Variants in GFRA2 observed in about 807,000 individuals in gnomAD.
GFRA2 encodes the protein GDNF family receptor alpha-2.
GFRA2 carries 17 observed loss-of-function variants against 48.3 expected under a neutral mutation model. The ratio of observed to expected loss-of-function variants is 0.35; its 90% CI spans 0.24 to 0.53. The LOEUF is 0.53. Ranked by LOEUF, GFRA2 falls within the 20% of genes least tolerant of loss-of-function variation. The pLI, the probability that GFRA2 is intolerant of heterozygous loss-of-function variation, is 0.93. For missense variants in GFRA2, 660 were observed against 637.3 expected, an observed-to-expected ratio of 1.04 and a Z score of -0.38; for synonymous variants, 305 against 257.2, an observed-to-expected ratio of 1.19 and a Z score of -1.78.
chr8:21,732,210 C>T (rs1399497156), intron 4 of GFRA2, among the ~76,000 whole-genome samples: 1 of 152,252 alleles, frequency 6.6e-6, no homozygotes, highest in Non-Finnish European at 1.5e-5. Flanking sequence ...TTCCCTTCGC[C>T]TTCTTGTGTC....
chr8:21,800,431 G>A (rs1047959027), intron 2 of GFRA2, among the ~76,000 whole-genome samples: 22 of 152,248 alleles, frequency 1.4e-4, no homozygotes, highest in Admixed American at 2.6e-4. Context: ...GATATTGTAA[G>A]GCTTCTGGAT....
chr8:21,706,374 C>T, intron 4 of GFRA2: 2 of 487,250 alleles, frequency 4.1e-6, no homozygotes, highest in Non-Finnish European at 8.1e-6. Flanking sequence ...GTGGAGAATG[C>T]CTGGACCCCA....
intron 3 of GFRA2, among the ~76,000 whole-genome samples, chr8:21,768,783 A>G (rs1415508171): frequency 7.2e-5 from 11 of 152,120 alleles, no homozygotes; most frequent in Non-Finnish European, 1.5e-4. Context: ...ACCCCTAATC[A>G]GGCAGTCATC....
chr8:21,749,672 G>C (rs1692442902), intron 4 of GFRA2, among the ~76,000 whole-genome samples: 1 of 150,224 alleles, frequency 6.7e-6, no homozygotes, highest in Admixed American at 6.6e-5. Flanking sequence ...ATTGTCTAAA[G>C]TCCCTTTTAT....
intron 3 of GFRA2, among the ~76,000 whole-genome samples, chr8:21,765,685 G>A (rs1806117906): frequency 6.6e-6 from 1 of 151,964 alleles, no homozygotes; most frequent in African/African-American, 2.4e-5. Context: ...CTGTGTCCTT[G>A]GCACTTCCGG....
upstream of GFRA2, among the ~76,000 whole-genome samples, chr8:21,789,704 C>T (rs944545974): frequency 1.3e-5 from 2 of 152,120 alleles, no homozygotes; most frequent in African/African-American, 4.8e-5. Flanking sequence ...GGAACTTTGC[C>T]CTCACGCCCG....
At chr8:21,776,691 A>C (rs1806723705) in intron 2 of GFRA2, among the ~76,000 whole-genome samples, 5 of 151,942 alleles carry the variant, frequency 3.3e-5, no homozygotes, top group Non-Finnish European at 7.4e-5. Flanking sequence ...GGCTGGTCTC[A>C]AACTCCTGAC....
intron 1 of GFRA2, among the ~76,000 whole-genome samples, chr8:21,811,299 C>T (rs189145316): frequency 3.7e-4 from 56 of 152,286 alleles, no homozygotes; most frequent in African/African-American, 1.3e-3. Context: ...CAGAGCTGGA[C>T]TGAGATTGAG....
chr8:21,721,025 A>C (rs1415688826), intron 4 of GFRA2, among the ~76,000 whole-genome samples: 1 of 144,580 alleles, frequency 6.9e-6, no homozygotes, highest in East Asian at 2.2e-4. Flanking sequence ...AGGGGAGGGG[A>C]AGGGAAGGGA....
chr8:21,706,889 T>G (rs573280556), intron 4 of GFRA2, among the ~76,000 whole-genome samples: 1 of 152,110 alleles, frequency 6.6e-6, no homozygotes, highest in Non-Finnish European at 1.5e-5. Context: ...GGAATCCAAG[T>G]CTAATATGCA....
At chr8:21,777,005 T>C (rs1334190438) in intron 2 of GFRA2, among the ~76,000 whole-genome samples, 7 of 152,326 alleles carry the variant, frequency 4.6e-5, no homozygotes, top group African/African-American at 1.7e-4. Context: ...GTTTTCCAGG[T>C]GCCAGCACTG....
chr8:21,712,162 T>C (rs1376286198), intron 4 of GFRA2, among the ~76,000 whole-genome samples: 7 of 151,892 alleles, frequency 4.6e-5, no homozygotes, highest in Admixed American at 6.5e-5. Flanking sequence ...AAAACCGCCA[T>C]TGTCATCATG....
intron 3 of GFRA2, among the ~76,000 whole-genome samples, chr8:21,756,464 C>A (rs10102555): frequency 0.097 from 14,813 of 152,166 alleles, 2,204 homozygotes; most frequent in African/African-American, 0.32. Context: ...AAGGAGGCAG[C>A]CTGCGCTGCG....
chr8:21,756,469 G>A (rs892159462), intron 3 of GFRA2, among the ~76,000 whole-genome samples: 2 of 152,182 alleles, frequency 1.3e-5, no homozygotes, highest in Non-Finnish European at 2.9e-5. Flanking sequence ...GGCAGCCTGC[G>A]CTGCGTTTTC....
upstream of GFRA2, chr8:21,789,124 C>T (rs1055047688): frequency 1.1e-4 from 18 of 168,436 alleles, no homozygotes; most frequent in African/African-American, 3.9e-4. Flanking sequence ...GCGGTGGCGG[C>T]GGCGGCGGCG....
At chr8:21,697,181 A>AAGG (rs1802247240) in intron 7 of GFRA2, among the ~76,000 whole-genome samples, 1 of 131,068 alleles carries the variant, frequency 7.6e-6, no homozygotes, top group Non-Finnish European at 1.6e-5. Flanking sequence ...GAGGGGACAG[A>AAGG]GGAGAGGGAG....
At chr8:21,797,286 G>GC (rs1807694241) in intron 2 of GFRA2, among the ~76,000 whole-genome samples, 2 of 91,514 alleles carry the variant, frequency 2.2e-5, no homozygotes, top group African/African-American at 8.5e-5. Flanking sequence ...TCCTTTCTTT[G>GC]CTTTTTTTTT....
chr8:21,707,774 T>C (rs1202493488), intron 4 of GFRA2, among the ~76,000 whole-genome samples: 1 of 152,206 alleles, frequency 6.6e-6, no homozygotes, highest in Non-Finnish European at 1.5e-5. Context: ...GTTCTGGAGA[T>C]GGATGGCAGT....
chr8:21,789,716 G>T (rs1197304268), upstream of GFRA2, among the ~76,000 whole-genome samples: 1 of 151,816 alleles, frequency 6.6e-6, no homozygotes, highest in Non-Finnish European at 1.5e-5. Context: ...TCACGCCCGC[G>T]GCGCGCTTGC....
Sources: allele counts gnomAD v4.1 joint callset (sites outside exome capture counted in the v4.1 genomes callset), GRCh38; gene constraint gnomAD v4.1.1; transcripts MANE v1.5; gene names NCBI Gene and HGNC (gene_info 2026-07-23, HGNC 2026-07-21).